ST6GALNAC3: variants seen among roughly 807,000 people sequenced by gnomAD.
ST6GALNAC3 encodes ST6 N-acetylgalactosaminide alpha-2,6-sialyltransferase 3, also known as alpha-N-acetylgalactosaminide alpha-2,6-sialyltransferase 3.
ST6GALNAC3 carries 25 observed loss-of-function variants against 32.7 expected under a neutral mutation model. The ratio of observed to expected loss-of-function variants is 0.76; its 90% CI spans 0.56 to 1.07. The LOEUF (loss-of-function observed/expected upper bound fraction) is 1.07. Ranked by LOEUF, ST6GALNAC3 falls within the 50% of genes least tolerant of loss-of-function variation. ST6GALNAC3 has a pLI of 0.00. For synonymous variants in ST6GALNAC3, 129 were observed against 133.1 expected, an observed-to-expected ratio of 0.97 and a Z score of 0.21; for missense variants, 355 against 382.4, an observed-to-expected ratio of 0.93 and a Z score of 0.60.
intron 3 of ST6GALNAC3, among the ~76,000 whole-genome samples, chr1:76,624,994 T>C (rs1202514533): frequency 3.3e-5 from 5 of 151,962 alleles, no homozygotes; most frequent in African/African-American, 1.2e-4. Context: ...TTGAGGGTGA[T>C]GATCACAGAA....
chr1:76,318,226 AG>A (rs1312026116), intron 2 of ST6GALNAC3, among the ~76,000 whole-genome samples: 1 of 152,146 alleles, frequency 6.6e-6, no homozygotes, highest in African/African-American at 2.4e-5. Flanking sequence ...ACTATTATAA[AG>A]GGGTTAAATA....
At chr1:76,464,246 C>T (rs574347597) in intron 3 of ST6GALNAC3, among the ~76,000 whole-genome samples, 24 of 152,218 alleles carry the variant, frequency 1.6e-4, no homozygotes, top group South Asian at 8.3e-4. Context: ...AAAAGACTTA[C>T]GTATTTGTAC....
intron 3 of ST6GALNAC3, among the ~76,000 whole-genome samples, chr1:76,445,450 C>T (rs1656904123): frequency 6.6e-6 from 1 of 152,160 alleles, no homozygotes; most frequent in African/African-American, 2.4e-5. Context: ...TTAACAAATA[C>T]ATCATGTTAA....
intron 3 of ST6GALNAC3, among the ~76,000 whole-genome samples, chr1:76,498,619 T>C (rs904166108): frequency 1.3e-5 from 2 of 152,188 alleles, no homozygotes; most frequent in Non-Finnish European, 2.9e-5. Context: ...TAAAAATATT[T>C]TACCTTTAAC....
chr1:76,421,914 C>T (rs1655053190), intron 3 of ST6GALNAC3, among the ~76,000 whole-genome samples: 1 of 152,020 alleles, frequency 6.6e-6, no homozygotes, highest in Non-Finnish European at 1.5e-5. Context: ...CTTCCAATCA[C>T]TTCTGATGAG....
At chr1:76,261,010 A>ACACG (rs1491518889) in intron 1 of ST6GALNAC3, among the ~76,000 whole-genome samples, 1 of 149,494 alleles carries the variant, frequency 6.7e-6, no homozygotes, top group Admixed American at 6.7e-5. Context: ...ACACACACAC[A>ACACG]CGCTGTGAAA....
chr1:76,281,815 T>C (rs955334920), intron 1 of ST6GALNAC3, among the ~76,000 whole-genome samples: 1 of 152,182 alleles, frequency 6.6e-6, no homozygotes, highest in African/African-American at 2.4e-5. Flanking sequence ...GGATTCATTA[T>C]TATTTAAGAT....
chr1:76,559,106 C>T (rs1296149287), intron 3 of ST6GALNAC3, among the ~76,000 whole-genome samples: 1 of 151,984 alleles, frequency 6.6e-6, no homozygotes, highest in Non-Finnish European at 1.5e-5. Flanking sequence ...CTTTTTCTCT[C>T]TTTACTTGGA....
At chr1:76,286,095 C>T (rs536361412) in intron 1 of ST6GALNAC3, among the ~76,000 whole-genome samples, 1 of 152,296 alleles carries the variant, frequency 6.6e-6, no homozygotes, top group South Asian at 2.1e-4. Flanking sequence ...CTTGTTTCAG[C>T]CTCCCAGGAT....
At chr1:76,100,025 G>A (rs1647192194) in intron 1 of ST6GALNAC3, among the ~76,000 whole-genome samples, 1 of 151,926 alleles carries the variant, frequency 6.6e-6, no homozygotes. Context: ...TGATACAATG[G>A]AAATTAAAAA....
intron 2 of ST6GALNAC3, among the ~76,000 whole-genome samples, chr1:76,396,180 T>A (rs1418034344): frequency 1.3e-5 from 2 of 152,150 alleles, no homozygotes; most frequent in South Asian, 4.2e-4. Context: ...AAATGACCAA[T>A]TGGGCCAGGC....
intron 3 of ST6GALNAC3, among the ~76,000 whole-genome samples, chr1:76,589,355 T>C (rs545325163): frequency 3.9e-5 from 6 of 152,240 alleles, no homozygotes; most frequent in African/African-American, 1.2e-4. Context: ...AATTTTACCT[T>C]CACCTTGTGC....
At chr1:76,546,999 T>A (rs1022387485) in intron 3 of ST6GALNAC3, among the ~76,000 whole-genome samples, 2 of 152,186 alleles carry the variant, frequency 1.3e-5, no homozygotes, top group Non-Finnish European at 2.9e-5. Context: ...TACAGAAAGC[T>A]AAGGGAAGAG....
chr1:76,171,821 A>C (rs867999427), intron 1 of ST6GALNAC3, among the ~76,000 whole-genome samples: 2,478 of 142,164 alleles, frequency 0.017, 50 homozygotes, highest in African/African-American at 0.046. Flanking sequence ...CAACAACAAA[A>C]AAAAAAAAAA....
chr1:76,177,625 C>A (rs944032183), intron 1 of ST6GALNAC3, among the ~76,000 whole-genome samples: 1 of 152,048 alleles, frequency 6.6e-6, no homozygotes, highest in African/African-American at 2.4e-5. Flanking sequence ...TCTTAAGACT[C>A]GGTGAATGTT....
intron 1 of ST6GALNAC3, among the ~76,000 whole-genome samples, chr1:76,216,991 G>A (rs925630346): frequency 2.6e-5 from 4 of 152,178 alleles, no homozygotes; most frequent in Non-Finnish European, 5.9e-5. Flanking sequence ...CCTTGGACAT[G>A]TATTAAAATC....
intron 3 of ST6GALNAC3, among the ~76,000 whole-genome samples, chr1:76,554,215 G>T (rs1202771539): frequency 6.6e-6 from 1 of 152,144 alleles, no homozygotes. Context: ...AATTCATGTA[G>T]TTGGGTACTA....
chr1:76,090,780 T>C (rs1473937323), intron 1 of ST6GALNAC3, among the ~76,000 whole-genome samples: 1 of 152,194 alleles, frequency 6.6e-6, no homozygotes, highest in Non-Finnish European at 1.5e-5. Flanking sequence ...TAGTCTGGAC[T>C]TTGGGGGCTG....
chr1:76,208,045 C>CT (rs1553165411), intron 1 of ST6GALNAC3, among the ~76,000 whole-genome samples: 1 of 53,794 alleles, frequency 1.9e-5, no homozygotes, highest in Non-Finnish European at 5.7e-5. Flanking sequence ...AAGAGTGCCC[C>CT]CCCCCCCAAA....
Sources: gnomAD v4.1 joint callset for allele counts (sites outside exome capture counted in the v4.1 genomes callset) on GRCh38, gnomAD v4.1.1 for gene constraint, MANE v1.5 for transcripts, NCBI Gene and HGNC (gene_info 2026-07-23, HGNC 2026-07-21) for gene names.